REXO1: variants seen among roughly 807,000 people sequenced by gnomAD.
REXO1 encodes the protein REX1, RNA exonuclease 1 homolog.
In REXO1, 42 loss-of-function variants were observed where a neutral mutation model predicts 102.6. The ratio of observed to expected loss-of-function variants is 0.41; its 90% CI spans 0.32 to 0.53. The LOEUF (loss-of-function observed/expected upper bound fraction) is 0.53, where lower values mean the gene tolerates loss of function less well. Among genes scored for constraint, REXO1 ranks in the 20% least tolerant of loss-of-function variants. The pLI, the probability that REXO1 is intolerant of heterozygous loss-of-function variation, is 0.27. For missense variants in REXO1, 1,819 were observed against 1,732.5 expected, an observed-to-expected ratio of 1.05 and a Z score of -0.89; for synonymous variants, 908 against 779.1, an observed-to-expected ratio of 1.17 and a Z score of -2.76.
intron 1 of REXO1, among the ~76,000 whole-genome samples, chr19:1,834,743 A>G (rs928330820): frequency 2.0e-5 from 3 of 152,172 alleles, no homozygotes; most frequent in Admixed American, 1.3e-4. Flanking sequence ...GATGGGAAAG[A>G]GCAGGGGCAC....
chr19:1,843,743 C>A (rs377652469), intron 1 of REXO1, among the ~76,000 whole-genome samples: 3 of 152,216 alleles, frequency 2.0e-5, no homozygotes, highest in African/African-American at 7.2e-5. Context: ...GATGAAAAGT[C>A]GGACCGAGGA....
intron 1 of REXO1, among the ~76,000 whole-genome samples, chr19:1,834,205 C>T (rs950695159): frequency 1.3e-5 from 2 of 152,136 alleles, no homozygotes; most frequent in East Asian, 1.9e-4. Flanking sequence ...CAGACACCCG[C>T]GAGCCCTTCC....
intron 4 of REXO1, chr19:1,823,367 A>C (rs2069607032): frequency 2.5e-6 from 1 of 398,716 alleles, no homozygotes; most frequent in Non-Finnish European, 4.4e-6. Context: ...GGGTCAGGGA[A>C]GGAAGGTGCT....
chr19:1,821,439 GCCCTCCGCAGGT>G (rs2069537156), intron 5 of REXO1, 68 bp downstream of exon 5: 2 of 1,559,764 alleles, frequency 1.3e-6, no homozygotes, highest in South Asian at 2.2e-5. Flanking sequence ...GGCGAGGCTG[GCCCTCCGCAGGT>G]CCCATGTGGC....
chr19:1,817,321 C>T lies in REXO1; in HGVS notation c.3099G>A (p.Val1033=). 6.2e-7 allele frequency: 1 copy of T among 1,612,514 alleles called. No individual in the cohort carries two copies. Among genetic ancestry groups the T allele is most frequent in the Non-Finnish European group, 8.5e-7 (1 of 1,179,982 alleles). Residue 1033 remains valine (V), a synonymous_variant, in exon 12 of 16, where the codon GTG becomes GTA. Transcript: ENST00000170168. ...SVGCQVAKQH[V]QDGRKERLEG... The stretch of plus-strand genomic sequence containing the variant: ...CAAGGCGCTCCTTCCGGCCATCCTG[C>T]ACGTGTTGCTGGGGGTGGAGAAGGC...
intron 5 of REXO1, 130 bp downstream of exon 5, chr19:1,821,389 G>C: frequency 9.8e-7 from 1 of 1,015,394 alleles, no homozygotes; most frequent in Non-Finnish European, 1.5e-6. Context: ...GAAGGTGAAG[G>C]CTGTACTGCG....
rs759972158 is a variant in REXO1 at position 1,825,982 on chromosome 19, C to T, written c.1912-39G>A. 1.1e-5 allele frequency: 16 copies of T among 1,457,810 alleles called. No individual in the cohort carries two copies. In the African/African-American group the frequency reaches 1.1e-4, roughly 10 times the overall value. 90.3% of individuals were successfully genotyped at this position (1,457,810 alleles called of 1,614,324 possible). On this transcript the variant is annotated intron_variant, in intron 2 of 15. Transcript: ENST00000170168. ...CCGTCCGTCAGCACAGGTCTGCCCT[C>T]GCTGCCAACACCAACACACCCCAAC...
At chr19:1,843,183 C>T (rs553947464) in intron 1 of REXO1, among the ~76,000 whole-genome samples, 24 of 151,676 alleles carry the variant, frequency 1.6e-4, no homozygotes, top group Admixed American at 9.2e-4. Flanking sequence ...CGCAGCTGGG[C>T]GAAGCTTCAA....
intron 1 of REXO1, among the ~76,000 whole-genome samples, chr19:1,836,508 G>A (rs571450979): frequency 6.6e-6 from 1 of 151,978 alleles, no homozygotes; most frequent in East Asian, 1.9e-4. Context: ...CACTGTAGGA[G>A]GCCGAGACGG....
At chr19:1,832,609 A>G (rs1348993960) in intron 1 of REXO1, among the ~76,000 whole-genome samples, 1 of 150,658 alleles carries the variant, frequency 6.6e-6, no homozygotes, top group African/African-American at 2.4e-5. Context: ...CACGCCTGTC[A>G]TCCCAGCACG....
At position 1,817,764 on chromosome 19, in the gene REXO1, C is replaced by T. The variant is rs1185784693; in HGVS notation, c.3033G>A (p.Glu1011=). The part of the protein sequence containing the change: ...LRRNRVAGGW[E]TQYMCCSAAA... ...CAGCCGAGCAGCACATGTACTGGGT[C>T]TCCCAGCCTCCGGCCACTGCAGGGG... The change falls in exon 11 of 16, where the codon GAG becomes GAA. Residue 1011 remains glutamate (E), a synonymous_variant. Transcript: ENST00000170168. 2.5e-6 allele frequency: 4 copies of T among 1,612,126 alleles called. No individual in the cohort carries two copies. Among genetic ancestry groups the T allele is most frequent in the Non-Finnish European group, 3.4e-6 (4 of 1,179,678 alleles).
At position 1,827,799 on chromosome 19, in the gene REXO1, C is replaced by T. The variant is rs370459886; in HGVS notation, c.990G>A (p.Glu330=). The T allele has an allele frequency of 1.9e-6, 3 of 1,598,932 alleles. No homozygotes were observed. The highest frequency in any genetic ancestry group is 2.6e-6 in the Non-Finnish European group (3 of 1,175,962). The part of the protein sequence containing the change: ...QPPSKEGLEA[E]GGGLRETKET... ...CCTTGGTCTCCCGCAGGCCGCCCCC[C>T]TCGGCCTCCAGGCCCTCTTTGGAGG... Residue 330 remains glutamate, a synonymous_variant, in exon 2 of 16, where the codon GAG becomes GAA. Transcript: ENST00000170168.
In REXO1 at chr19:1,826,008, C is replaced by G. The variant is rs2069709069; in HGVS notation, c.1912-65G>C. The G allele has an allele frequency of 4.2e-6, 5 of 1,182,754 alleles. No individual in the cohort carries two copies. Among genetic ancestry groups the G allele is most frequent in the Non-Finnish European group, 6.3e-6 (5 of 792,358 alleles). 73.3% of individuals were successfully genotyped at this position (1,182,754 alleles called of 1,614,324 possible). ...GCTGCCAACACCAACACACCCCAACCTCAAACTGCCCCCGGCAAGTGGGGA... is the reference window on the plus strand; with the variant it reads ...GCTGCCAACACCAACACACCCCAACGTCAAACTGCCCCCGGCAAGTGGGGA... On this transcript the variant is annotated intron_variant, in intron 2 of 15. Coordinates refer to ENST00000170168, the MANE Select transcript of REXO1 (RefSeq NM_020695.4). The surrounding 1 kb of genome is among the most constrained non-coding windows in gnomAD (Gnocchi z 4.3).
At chr19:1,821,262 G>A (rs1287616608) in intron 5 of REXO1, among the ~76,000 whole-genome samples, 7 of 151,030 alleles carry the variant, frequency 4.6e-5, no homozygotes, top group East Asian at 2.0e-4. Context: ...AGAGAATGGC[G>A]TGAACCCAGG....
intron 1 of REXO1, among the ~76,000 whole-genome samples, chr19:1,845,426 G>A (rs2011492338): frequency 6.6e-6 from 1 of 152,224 alleles, no homozygotes; most frequent in Non-Finnish European, 1.5e-5. Flanking sequence ...CACTTCAGGA[G>A]GCTGAGGAGA....
intron 1 of REXO1, among the ~76,000 whole-genome samples, chr19:1,843,640 G>A (rs1023858365): frequency 6.6e-6 from 1 of 152,196 alleles, no homozygotes; most frequent in African/African-American, 2.4e-5. Context: ...GTCCTCATAC[G>A]CCCTGGTCAG....
intron 1 of REXO1, among the ~76,000 whole-genome samples, chr19:1,834,014 G>A (rs754564973): frequency 2.6e-5 from 4 of 152,148 alleles, no homozygotes; most frequent in Non-Finnish European, 4.4e-5. Flanking sequence ...AGTGAGACTG[G>A]GCCCCAGGAG....
rs749485019 is a variant in REXO1, at chr19:1,827,586, G to A, written c.1203C>T (p.Asp401=). 1 of 1,592,618 alleles carries A rather than the reference G, an allele frequency of 6.3e-7. No individual in the cohort carries two copies. The highest frequency in any genetic ancestry group is 8.5e-7 in the Non-Finnish European group (1 of 1,176,038). Residue 401 remains aspartate (D), a synonymous_variant, in exon 2 of 16, where the codon GAC becomes GAT. Transcript: ENST00000170168. ...DGAQGKDKTK[D]KGRGRPVEKP... ...TCTCCACAGGCCGCCCTCGGCCCTTGTCCTTGGTCTTGTCCTTCCCCTGGG... is the reference window on the plus strand; with the variant it reads ...TCTCCACAGGCCGCCCTCGGCCCTTATCCTTGGTCTTGTCCTTCCCCTGGG...
chr19:1,828,186 G>A lies in REXO1; in HGVS notation c.603C>T (p.Tyr201=), dbSNP rs536151683. 47 of 1,606,890 alleles carry A rather than the reference G, an allele frequency of 2.9e-5. No individual in the cohort carries two copies. The African/African-American group carries it at 3.7e-4, about 13-fold the overall frequency. The change falls in exon 2 of 16, where the codon TAC becomes TAT. Residue 201 remains tyrosine, a synonymous_variant. Coordinates refer to ENST00000170168, the MANE Select transcript of REXO1 (RefSeq NM_020695.4). ...GGGGCTGGCTCACAGCCTTGGGGAC[G>A]TATTCCAGGGCACCGCCACCCCCTC... ...RGGGGGGALE[Y]VPKAVSQPRR...
Sources: gnomAD v4.1 joint callset for allele counts (sites outside exome capture counted in the v4.1 genomes callset) on GRCh38, gnomAD v4.1.1 for gene constraint, Gnocchi (gnomAD v3.1) non-coding constraint, MANE v1.5 for transcripts, NCBI Gene and HGNC (gene_info 2026-07-23, HGNC 2026-07-21) for gene names.